SWT1: variants seen among roughly 807,000 people sequenced by gnomAD.
SWT1 encodes SWT1 RNA endoribonuclease homolog.
In SWT1, 33 loss-of-function variants were observed where a neutral mutation model predicts 107.3. The observed-to-expected ratio is 0.31, with a 90% CI of 0.23 to 0.41. SWT1 has a LOEUF of 0.41. Ranked by LOEUF, SWT1 falls within the 10% of genes least tolerant of loss-of-function variation. The pLI, the probability that SWT1 is intolerant of heterozygous loss-of-function variation, is 1.00. For synonymous variants in SWT1, 345 were observed against 348.3 expected (o/e 0.99, Z 0.11); for missense variants, 898 against 1,028.9 (o/e 0.87, Z 1.74).
rs77890989 is a variant in SWT1, at chr1:185,184,942, T to C, written c.1429+11T>C. 6.9e-7 allele frequency: 1 copy of C among 1,444,776 alleles called. No homozygotes were observed. 89.5% of individuals were successfully genotyped at this position (1,444,776 alleles called of 1,614,324 possible). ...CATCCCAAAAACATTGTAAGTATTG[T>C]TCTCTCAGAGTGCCTCCTGATTAAT... On this transcript the variant is annotated intron_variant, in intron 9 of 18. Coordinates refer to ENST00000367500, the MANE Select transcript of SWT1 (RefSeq NM_017673.7).
chr1:185,282,908 G>A (rs796355178), intron 18 of SWT1, among the ~76,000 whole-genome samples: 4 of 152,202 alleles, frequency 2.6e-5, no homozygotes, highest in African/African-American at 9.6e-5. Flanking sequence ...CTATAAATTG[G>A]GGGTTCCCAT....
chr1:185,221,979 G>A lies in SWT1; in HGVS notation c.2252G>A (p.Arg751Lys), dbSNP rs914823237. ...AGTTCTCATCTTCCCCAACCCAGCA[G>A]GCATCAAGAAATCTGGTCTATCCTA... ...FSSSHLPQPSRHQEIWSILES... is the reference protein window; with the variant it reads ...FSSSHLPQPSKHQEIWSILES... Residue 751 changes from arginine to lysine, a missense_variant, in exon 15 of 19, where the codon AGG becomes AAG. Physicochemically the swap from Arg to Lys is conservative, Grantham distance 26 (BLOSUM62 2). Around this residue, in one of 6 missense-constraint regions of SWT1, gnomAD observed 382 missense variants for 460.0 expected, o/e 0.83. Coordinates refer to ENST00000367500, the MANE Select transcript of SWT1 (RefSeq NM_017673.7). The A allele has an allele frequency of 1.2e-6, 2 of 1,611,690 alleles. No individual in the cohort carries two copies. The highest frequency in any genetic ancestry group is 1.7e-6 in the Non-Finnish European group (2 of 1,179,090).
intron 15 of SWT1, chr1:185,227,761 G>A (rs1660184776): frequency 2.4e-6 from 1 of 424,276 alleles, no homozygotes; most frequent in African/African-American, 2.1e-5. Flanking sequence ...AGCAGCTCTA[G>A]CGGGGGAGAA....
intron 18 of SWT1, 90 bp downstream of exon 18, chr1:185,276,758 T>C: frequency 3.4e-6 from 2 of 595,858 alleles, no homozygotes; most frequent in Middle Eastern, 3.9e-4. Context: ...GGTGATGTGT[T>C]TTTTCATTGT....
At chr1:185,243,262 C>T (rs1661371948) in intron 16 of SWT1, among the ~76,000 whole-genome samples, 1 of 152,050 alleles carries the variant, frequency 6.6e-6, no homozygotes, top group Non-Finnish European at 1.5e-5. Flanking sequence ...GCATGTGCCA[C>T]CACACACAGC....
chr1:185,184,056 C>T (rs1482732486), intron 7 of SWT1, among the ~76,000 whole-genome samples, 187 bp from the exon 8 acceptor site: 1 of 152,152 alleles, frequency 6.6e-6, no homozygotes, highest in Non-Finnish European at 1.5e-5. Flanking sequence ...TACTTGGCAA[C>T]AAGGATACGG....
At chr1:185,225,982 A>G (rs2102545750) in intron 15 of SWT1, among the ~76,000 whole-genome samples, 1 of 152,312 alleles carries the variant, frequency 6.6e-6, no homozygotes, top group African/African-American at 2.4e-5. Context: ...ATATTTACAA[A>G]TTTATATTTT....
intron 16 of SWT1, among the ~76,000 whole-genome samples, chr1:185,256,080 C>A: frequency 6.7e-6 from 1 of 148,328 alleles, no homozygotes; most frequent in East Asian, 2.0e-4. Flanking sequence ...GTTGAAAATT[C>A]TTTTCTTTAA....
chr1:185,257,523 G>A (rs1156456533), intron 16 of SWT1, among the ~76,000 whole-genome samples: 7 of 152,152 alleles, frequency 4.6e-5, no homozygotes, highest in Non-Finnish European at 8.8e-5. Context: ...CGCAGTATTC[G>A]GGTGGGAGTG....
At chr1:185,173,407 A>G (rs903468407) in intron 4 of SWT1, among the ~76,000 whole-genome samples, 3 of 152,034 alleles carry the variant, frequency 2.0e-5, no homozygotes, top group African/African-American at 7.2e-5. Context: ...TCTATTAAGA[A>G]ATCAGGTTGG....
intron 10 of SWT1, among the ~76,000 whole-genome samples, chr1:185,201,700 A>G (rs749521405): frequency 2.6e-5 from 4 of 152,138 alleles, no homozygotes; most frequent in Non-Finnish European, 4.4e-5. Context: ...CTATTCTGCC[A>G]TCTTGCCAGC....
chr1:185,216,330 A>G (rs1337110704), intron 14 of SWT1, among the ~76,000 whole-genome samples: 1 of 152,158 alleles, frequency 6.6e-6, no homozygotes, highest in African/African-American at 2.4e-5. Flanking sequence ...TAGCATGAGT[A>G]TTGTACCTTG....
chr1:185,217,956 C>A (rs535680560), intron 14 of SWT1, among the ~76,000 whole-genome samples: 31 of 152,300 alleles, frequency 2.0e-4, no homozygotes, highest in Admixed American at 4.6e-4. Context: ...AATAAATGGA[C>A]TGTGTTTGAA....
intron 11 of SWT1, among the ~76,000 whole-genome samples, chr1:185,204,211 G>C (rs1184102030): frequency 6.6e-6 from 1 of 152,050 alleles, no homozygotes; most frequent in Non-Finnish European, 1.5e-5. Context: ...TCAGGAGGCA[G>C]AGGTTTCAGT....
intron 13 of SWT1, among the ~76,000 whole-genome samples, chr1:185,210,742 A>AG (rs1194609408): frequency 1.3e-5 from 2 of 152,156 alleles, no homozygotes; most frequent in Non-Finnish European, 2.9e-5. Flanking sequence ...AGTTAGGAAA[A>AG]GGGGAAGTCA....
chr1:185,262,809 A>C (rs1225706349), intron 16 of SWT1, among the ~76,000 whole-genome samples: 2 of 138,234 alleles, frequency 1.4e-5, no homozygotes, highest in Non-Finnish European at 3.1e-5. Context: ...TTTTTGAGAG[A>C]GGGTCTCACT....
At chr1:185,189,309 T>G (rs1231434477) in intron 9 of SWT1, among the ~76,000 whole-genome samples, 1 of 152,036 alleles carries the variant, frequency 6.6e-6, no homozygotes, top group Non-Finnish European at 1.5e-5. Context: ...AAAACTGAAT[T>G]TTTGCTACAT....
intron 16 of SWT1, among the ~76,000 whole-genome samples, chr1:185,236,208 A>C (rs1008651280): frequency 2.0e-5 from 3 of 152,216 alleles, no homozygotes; most frequent in African/African-American, 7.2e-5. Context: ...TTTAAATTTC[A>C]TATGGAACCA....
intron 14 of SWT1, among the ~76,000 whole-genome samples, chr1:185,216,960 AAAAAAG>A (rs1659266298): frequency 1.3e-5 from 2 of 151,666 alleles, no homozygotes; most frequent in South Asian, 2.1e-4. Context: ...TCAAAAAAAA[AAAAAAG>A]AAAAGAAAAG....
Sources: gnomAD v4.1 joint callset for allele counts (sites outside exome capture counted in the v4.1 genomes callset) on GRCh38, gnomAD v4.1.1 for gene constraint, gnomAD v4.1.1 regional missense constraint, MANE v1.5 for transcripts, NCBI Gene and HGNC (gene_info 2026-07-23, HGNC 2026-07-21) for gene names.